The following TAFA5 variants were observed in gnomAD, a reference collection of about 807,000 sequenced individuals.
TAFA5 encodes the protein chemokine-like protein TAFA-5.
Under a neutral mutation model 15.3 loss-of-function variants are expected in TAFA5, and 6 were observed. That is an observed-to-expected ratio of 0.39 (90% confidence interval 0.21 to 0.77). The LOEUF (loss-of-function observed/expected upper bound fraction) is 0.77. Ranked by LOEUF, TAFA5 falls within the 30% of genes least tolerant of loss-of-function variation. The pLI, the probability that TAFA5 is intolerant of heterozygous loss-of-function variation, is 0.41. For synonymous variants in TAFA5, 103 were observed against 80.7 expected (o/e 1.28, Z -1.48); for missense variants, 161 against 193.1 (o/e 0.83, Z 0.98).
intron 1 of TAFA5, among the ~76,000 whole-genome samples, chr22:48,637,003 C>T (rs1295825948): frequency 6.6e-6 from 1 of 152,206 alleles, no homozygotes; most frequent in African/African-American, 2.4e-5. Context: ...TGAGCAAAGC[C>T]GGGCTTGCCA....
At chr22:48,679,832 G>A (rs1427247596) in intron 2 of TAFA5, among the ~76,000 whole-genome samples, 2 of 152,048 alleles carry the variant, frequency 1.3e-5, no homozygotes, top group East Asian at 1.9e-4. Flanking sequence ...ATGAAGCGCC[G>A]CCCTCACCGT....
Position 48,646,716 on chromosome 22 carries a change from A to G in TAFA5, c.232A>G (p.Thr78Ala), listed in dbSNP as rs759402295. 4 of 1,594,834 alleles carry G rather than the reference A, an allele frequency of 2.5e-6. No homozygotes were observed. In the Admixed American group the frequency reaches 5.2e-5, roughly 21 times the overall value. ...GTGTAGAAAGGGGCAGATCGCCGGC[A>G]CCACGAGAGCCCGGCCCGCCTGTGT... ...CACRKGQIAG[T>A]TRARPACVDA... Residue 78 changes from threonine to alanine, a missense_variant, in exon 2 of 4, where the codon ACC (threonine) becomes GCC (alanine). By Grantham distance (58) the Thr-to-Ala change is moderately conservative. Transcript: ENST00000402357.
At chr22:48,721,401 A>G (rs1929566236) in intron 3 of TAFA5, among the ~76,000 whole-genome samples, 4 of 152,144 alleles carry the variant, frequency 2.6e-5, no homozygotes, top group African/African-American at 9.7e-5. Context: ...AAGCCCGTCC[A>G]CTGTGTGTGA....
chr22:48,591,898 C>T lies in TAFA5; in HGVS notation c.113-54699C>T, dbSNP rs114110024. On this transcript the variant is annotated intron_variant, in intron 1 of 3. Coordinates refer to ENST00000402357, the MANE Select transcript of TAFA5 (RefSeq NM_001082967.3). ...AGCCAGCATCCCGGGCGCCTGGGCC[C>T]GGTGTCTGTCTCCCCAGGCAGGTGC... 2.7e-3 allele frequency among the ~76,000 whole-genome samples: 408 copies of T among 152,312 alleles called. 4 individuals carry two copies. Among genetic ancestry groups the T allele is most frequent in the African/African-American group, 9.4e-3 (391 of 41,580 alleles).
chr22:48,582,101 C>T (rs1009579153), intron 1 of TAFA5, among the ~76,000 whole-genome samples: 5 of 152,052 alleles, frequency 3.3e-5, no homozygotes, highest in African/African-American at 7.3e-5. Context: ...TCGGGGCAGG[C>T]GGCCCTTTCC....
intron 1 of TAFA5, among the ~76,000 whole-genome samples, chr22:48,585,999 T>C (rs1924345068): frequency 6.6e-6 from 1 of 152,214 alleles, no homozygotes; most frequent in South Asian, 2.1e-4. Context: ...CCTGGCGTTC[T>C]GGAGGAAGGG....
At chr22:48,660,152 C>T (rs530786059) in intron 2 of TAFA5, among the ~76,000 whole-genome samples, 10 of 152,300 alleles carry the variant, frequency 6.6e-5, no homozygotes, top group African/African-American at 2.4e-4. Flanking sequence ...AAACCCCAGG[C>T]TCCCATATTG....
intron 1 of TAFA5, among the ~76,000 whole-genome samples, chr22:48,578,257 G>A (rs577707420): frequency 6.6e-6 from 1 of 152,356 alleles, no homozygotes; most frequent in East Asian, 1.9e-4. Context: ...TGACTTTGAA[G>A]CTGTGAGTTA....
chr22:48,688,928 G>A (rs1928448448), intron 2 of TAFA5, among the ~76,000 whole-genome samples: 1 of 150,330 alleles, frequency 6.7e-6, no homozygotes, highest in South Asian at 2.1e-4. Flanking sequence ...GGAGGTGGAG[G>A]TTGCAGTGAG....
intron 3 of TAFA5, among the ~76,000 whole-genome samples, chr22:48,745,384 G>A (rs1451045638): frequency 6.7e-6 from 1 of 149,434 alleles, no homozygotes; most frequent in Non-Finnish European, 1.5e-5. Context: ...CCTGCCCGGG[G>A]TTCACCCTGA....
chr22:48,518,385 C>T (rs550239919), intron 1 of TAFA5, among the ~76,000 whole-genome samples: 1 of 152,306 alleles, frequency 6.6e-6, no homozygotes, highest in East Asian at 1.9e-4. Context: ...AAGAGGTGCC[C>T]GTCCTCCCCA....
intron 1 of TAFA5, among the ~76,000 whole-genome samples, chr22:48,591,340 C>T (rs867337468): frequency 3.3e-5 from 5 of 152,228 alleles, no homozygotes; most frequent in Admixed American, 2.0e-4. Context: ...GGAAACTGCC[C>T]TCAGAGCCAC....
intron 2 of TAFA5, among the ~76,000 whole-genome samples, chr22:48,677,402 C>T (rs1032110524): frequency 6.6e-6 from 1 of 152,178 alleles, no homozygotes; most frequent in East Asian, 1.9e-4. Context: ...TCAGGGTGGC[C>T]GGGCCACGCG....
intron 1 of TAFA5, among the ~76,000 whole-genome samples, chr22:48,632,701 C>G (rs1166193293): frequency 6.6e-6 from 1 of 152,194 alleles, no homozygotes; most frequent in East Asian, 1.9e-4. Flanking sequence ...GGAGGTTTTT[C>G]AGTCATGGAT....
At chr22:48,555,239 A>G (rs1922992913) in intron 1 of TAFA5, among the ~76,000 whole-genome samples, 3 of 152,186 alleles carry the variant, frequency 2.0e-5, no homozygotes, top group Admixed American at 1.3e-4. Flanking sequence ...GGCTGGTGGC[A>G]TGGGGCTGGC....
chr22:48,553,333 G>A (rs543386819), intron 1 of TAFA5, among the ~76,000 whole-genome samples: 135 of 152,290 alleles, frequency 8.9e-4, no homozygotes, highest in African/African-American at 3.2e-3. Flanking sequence ...CCACAGACAC[G>A]GGTCGGTCTC....
intron 2 of TAFA5, among the ~76,000 whole-genome samples, chr22:48,689,093 G>A (rs557383007): frequency 6.6e-6 from 1 of 152,160 alleles, no homozygotes; most frequent in African/African-American, 2.4e-5. Context: ...CTTGGTGTGG[G>A]TCCCTCCAGC....
chr22:48,597,475 A>G (rs1924809538), intron 1 of TAFA5, among the ~76,000 whole-genome samples: 1 of 135,616 alleles, frequency 7.4e-6, no homozygotes, highest in African/African-American at 2.9e-5. Context: ...CCACGCCACC[A>G]TGGCCTGCAT....
intron 1 of TAFA5, among the ~76,000 whole-genome samples, chr22:48,555,958 C>T (rs1456225357): frequency 6.6e-6 from 1 of 152,208 alleles, no homozygotes; most frequent in Non-Finnish European, 1.5e-5. Context: ...AGCCAGGGCC[C>T]TCTTCTTGTT....
Sources: allele counts gnomAD v4.1 joint callset (sites outside exome capture counted in the v4.1 genomes callset), GRCh38; gene constraint gnomAD v4.1.1; transcripts MANE v1.5; gene names NCBI Gene and HGNC (gene_info 2026-07-23, HGNC 2026-07-21).